The following ZNF831 variants were observed in gnomAD, a reference collection of about 807,000 sequenced individuals.
ZNF831 encodes zinc finger protein 831.
Under a neutral mutation model 95.8 loss-of-function variants are expected in ZNF831, and 59 were observed. The ratio of observed to expected loss-of-function variants is 0.62; its 90% CI spans 0.50 to 0.77. The LOEUF (loss-of-function observed/expected upper bound fraction) is 0.77. Among genes scored for constraint, ZNF831 ranks in the 30% least tolerant of loss-of-function variants. The pLI is 0.00. For missense variants in ZNF831, 2,205 were observed against 2,164.0 expected (o/e 1.02, Z -0.38); for synonymous variants, 961 against 925.5 (o/e 1.04, Z -0.70).
At chr20:59,243,552 A>G (rs372564215) in intron 4 of ZNF831, among the ~76,000 whole-genome samples, 1 of 152,154 alleles carries the variant, frequency 6.6e-6, no homozygotes, top group African/African-American at 2.4e-5. Context: ...ATCGCCTCAA[A>G]ATGTTTTCCC....
At chr20:59,235,986 G>T (rs779506968) in intron 4 of ZNF831, among the ~76,000 whole-genome samples, 30 of 152,178 alleles carry the variant, frequency 2.0e-4, no homozygotes, top group Non-Finnish European at 3.4e-4. Flanking sequence ...ATTTTTGAAG[G>T]TTGCTTTTGC....
chr20:59,166,180 A>G (rs763905350), intron 1 of ZNF831, among the ~76,000 whole-genome samples: 15 of 152,200 alleles, frequency 9.9e-5, no homozygotes, highest in Non-Finnish European at 1.9e-4. Context: ...GAGTTGATAT[A>G]AAGAAAATGA....
chr20:59,179,444 C>G (rs931414945), intron 1 of ZNF831, among the ~76,000 whole-genome samples: 2 of 152,162 alleles, frequency 1.3e-5, no homozygotes, highest in African/African-American at 4.8e-5. Context: ...GGGGGGCTCA[C>G]AGCAACAGAA....
In ZNF831 at chr20:59,206,999, G is replaced by C; in HGVS notation, c.3970G>C (p.Ala1324Pro). ...WVRRRSRHPP[A>P]LEGLKPCRTP... ...GCGAAGAAGAAGCCGCCACCCTCCC[G>C]CACTTGAGGGACTGAAGCCATGCAG... The change falls in exon 4 of 6, where the codon GCA (alanine) becomes CCA (proline). Residue 1324 changes from alanine to proline, a missense_variant. Coordinates refer to ENST00000371030, the MANE Select transcript of ZNF831 (RefSeq NM_178457.3). 1 of 1,614,166 alleles carries C rather than the reference G, an allele frequency of 6.2e-7. No homozygotes were observed. The highest frequency in any genetic ancestry group is 8.5e-7 in the Non-Finnish European group (1 of 1,180,018).
chr20:59,210,816 C>T (rs1985249453), intron 4 of ZNF831, among the ~76,000 whole-genome samples: 1 of 152,160 alleles, frequency 6.6e-6, no homozygotes. Flanking sequence ...ATCCCAAGAG[C>T]AAACTGGGGG....
chr20:59,232,311 A>G (rs755359270), intron 4 of ZNF831, among the ~76,000 whole-genome samples: 2 of 152,210 alleles, frequency 1.3e-5, no homozygotes, highest in Non-Finnish European at 2.9e-5. Context: ...CATTAAATGG[A>G]GTTTAAAAAA....
chr20:59,245,735 T>G (rs1157275833), intron 4 of ZNF831, among the ~76,000 whole-genome samples: 2 of 152,224 alleles, frequency 1.3e-5, no homozygotes, highest in South Asian at 4.1e-4. Flanking sequence ...GCAGTTTTCA[T>G]TATTTCATTT....
At chr20:59,197,505 G>A (rs966259693) in intron 3 of ZNF831, among the ~76,000 whole-genome samples, 1 of 152,184 alleles carries the variant, frequency 6.6e-6, no homozygotes, top group Non-Finnish European at 1.5e-5. Context: ...TCCTGGGCAC[G>A]CTAGCGGCCT....
At chr20:59,170,469 A>C (rs1191481250) in intron 1 of ZNF831, among the ~76,000 whole-genome samples, 1 of 152,206 alleles carries the variant, frequency 6.6e-6, no homozygotes, top group South Asian at 2.1e-4. Flanking sequence ...GTTGATTCAT[A>C]GTTTGATTCC....
At chr20:59,227,193 A>G (rs1369603555) in intron 4 of ZNF831, among the ~76,000 whole-genome samples, 1 of 152,190 alleles carries the variant, frequency 6.6e-6, no homozygotes, top group Non-Finnish European at 1.5e-5. Context: ...CCAGCACTGA[A>G]TGGCGTCATT....
chr20:59,182,546 C>G (rs1404782894), intron 1 of ZNF831, among the ~76,000 whole-genome samples: 5 of 152,000 alleles, frequency 3.3e-5, no homozygotes, highest in Admixed American at 3.3e-4. Flanking sequence ...CTGGCAGGCC[C>G]TCCCTCTTGC....
chr20:59,165,134 C>T (rs1005952067), intron 1 of ZNF831, among the ~76,000 whole-genome samples: 6 of 152,168 alleles, frequency 3.9e-5, no homozygotes, highest in Non-Finnish European at 8.8e-5. Context: ...AGCTGTGCTT[C>T]CGCTGGGAAG....
Position 59,254,479 on chromosome 20 carries a change from T to G in ZNF831, c.4770T>G (p.Phe1590Leu). Reference protein sequence around the residue: ...HHKEGRHKTFFPSRGQYGCGE... With the variant: ...HHKEGRHKTFLPSRGQYGCGE... Reference sequence around the variant, plus strand: ...AGGAAGGGAGACACAAGACGTTTTTTCCTTCCAGAGGCCAGTATGGGTGTG... The same window carrying G: ...AGGAAGGGAGACACAAGACGTTTTTGCCTTCCAGAGGCCAGTATGGGTGTG... The change falls in exon 6 of 6, where the codon TTT becomes TTG. Residue 1590 changes from phenylalanine to leucine, a missense_variant. Phe to Leu is a conservative substitution (Grantham distance 22, BLOSUM62 0). Transcript: ENST00000371030. This position sits in a 1 kb window ranked among gnomAD's most constrained non-coding sequence, Gnocchi z 4.5. 6.2e-7 allele frequency: 1 copy of G among 1,614,204 alleles called. No homozygotes were observed. Among genetic ancestry groups the G allele is most frequent in the East Asian group, 2.2e-5 (1 of 44,872 alleles).
At position 59,217,882 on chromosome 20, in the gene ZNF831, C is replaced by T. The variant is rs1985801049; in HGVS notation, c.4027+10826C>T. ...TCACCAAATATTAATAGATGTGTTC[C>T]TCAGCAGAGGCACGATGGATCAGCC... On this transcript the variant is annotated intron_variant, in intron 4 of 5. Transcript: ENST00000371030. The surrounding 1 kb of genome is among the most constrained non-coding windows in gnomAD (Gnocchi z 4.4). Among the ~76,000 whole-genome samples the T allele has an allele frequency of 6.6e-6, 1 of 152,144 alleles. No homozygotes were observed. The highest frequency in any genetic ancestry group is 1.9e-4 in the East Asian group (1 of 5,202).
chr20:59,195,037 T>C (rs79006999), intron 2 of ZNF831, among the ~76,000 whole-genome samples: 109 of 152,310 alleles, frequency 7.2e-4, no homozygotes, highest in Non-Finnish European at 1.4e-3. Context: ...AAATGTAAAA[T>C]TTAACTGAGC....
chr20:59,129,533 G>T (rs1480298190), intron 1 of ZNF831, among the ~76,000 whole-genome samples: 1 of 152,190 alleles, frequency 6.6e-6, no homozygotes. Flanking sequence ...TGAGGCAGGA[G>T]AATTGCTTGA....
chr20:59,194,069 G>C lies in ZNF831; in HGVS notation c.3050G>C (p.Arg1017Thr), dbSNP rs1983860095. The change falls in exon 2 of 6, where the codon AGA (arginine) becomes ACA (threonine). Residue 1017 changes from arginine (R) to threonine (T), a missense_variant. Coordinates refer to ENST00000371030, the MANE Select transcript of ZNF831 (RefSeq NM_178457.3). ...AGCTGTTCCAGGCCACAGGATGGGA[G>C]AAAAGGGGCACAGTTGGGGGGGGAC... Reference protein sequence around the residue: ...DPSCSRPQDGRKGAQLGGDKG... With the variant: ...DPSCSRPQDGTKGAQLGGDKG... The C allele has an allele frequency of 6.5e-7, 1 of 1,531,784 alleles. No individual in the cohort carries two copies. The highest frequency in any genetic ancestry group is 1.4e-5 in the African/African-American group (1 of 72,520). The allele number at this position is 1,531,784 out of a possible 1,614,324, so 94.9% of individuals were successfully genotyped here. A position where few individuals can be genotyped will look rare whatever the true frequency, so the allele number is the denominator to read the frequency against.
intron 1 of ZNF831, 74 bp from the exon 2 acceptor site, chr20:59,190,910 T>C (rs1983444613): frequency 3.0e-6 from 4 of 1,346,204 alleles, no homozygotes; most frequent in Non-Finnish European, 3.9e-6. Flanking sequence ...AAGTGCTTGG[T>C]GCAGGGTAGG....
chr20:59,237,217 G>T (rs1987045268), intron 4 of ZNF831, among the ~76,000 whole-genome samples: 2 of 152,186 alleles, frequency 1.3e-5, no homozygotes, highest in East Asian at 1.9e-4. Context: ...AGATGAGATG[G>T]ACTAATGATT....
Sources: allele counts gnomAD v4.1 joint callset (sites outside exome capture counted in the v4.1 genomes callset), GRCh38; gene constraint gnomAD v4.1.1; non-coding constraint Gnocchi (gnomAD v3.1); transcripts MANE v1.5; gene names NCBI Gene and HGNC (gene_info 2026-07-23, HGNC 2026-07-21).